IP6K1: variants seen among roughly 807,000 people sequenced by gnomAD.
The protein encoded by IP6K1 is ATP:1D-myo-inositol-hexakisphosphate phosphotransferase.
Under a neutral mutation model 38.3 loss-of-function variants are expected in IP6K1, and 13 were observed. The ratio of observed to expected loss-of-function variants is 0.34; its 90% confidence interval spans 0.22 to 0.54. The LOEUF (loss-of-function observed/expected upper bound fraction) is 0.54, where lower values mean the gene tolerates loss of function less well. Among genes scored for constraint, IP6K1 ranks in the 20% least tolerant of loss-of-function variants. IP6K1 has a pLI of 0.92. For synonymous variants in IP6K1, 212 were observed against 229.9 expected, an observed-to-expected ratio of 0.92 and a Z score of 0.70; for missense variants, 397 against 599.8, an observed-to-expected ratio of 0.66 and a Z score of 3.53.
rs1199287347 is a variant in IP6K1, at chr3:49,726,988, A to G, written c.*134T>C. On this transcript the variant is annotated 3_prime_UTR_variant, in exon 6 of 6. Transcript: ENST00000321599. ...ATATGGATTCCAGGCTACAGCTAAA[A>G]ACATTTCTTTTAGTTTACACCAAAG... 2.1e-6 allele frequency: 2 copies of G among 944,238 alleles called. No individual in the cohort carries two copies. Among genetic ancestry groups the G allele is most frequent in the Admixed American group, 4.9e-5 (2 of 40,654 alleles). 58.5% of individuals were successfully genotyped at this position (944,238 alleles called of 1,614,324 possible).
At chr3:49,749,971 G>A (rs986344682) in intron 1 of IP6K1, among the ~76,000 whole-genome samples, 7 of 151,780 alleles carry the variant, frequency 4.6e-5, no homozygotes, top group Admixed American at 2.6e-4. Context: ...CCTGAGTATA[G>A]TGCACACATC....
At position 49,728,129 on chromosome 3, in the gene IP6K1, G is replaced by A. The variant is rs2080526042; in HGVS notation, c.766C>T (p.Leu256=). ...TGCATGCCGCAGACCCTGACGCCCA[G>A]CGTGGCTGATGTGCTCTGCTCGCAT... ...RKCEQSTSAT[L]GVRVCGMQVY... The change falls in exon 5 of 6, where the codon CTG becomes TTG. Residue 256 remains leucine (L), a synonymous_variant. Transcript: ENST00000321599. 1 of 1,613,922 alleles carries A rather than the reference G, an allele frequency of 6.2e-7. No homozygotes were observed. Among genetic ancestry groups the A allele is most frequent in the African/African-American group, 1.3e-5 (1 of 74,936 alleles).
At chr3:49,773,412 C>T (rs1177792448) in intron 1 of IP6K1, among the ~76,000 whole-genome samples, 1 of 152,102 alleles carries the variant, frequency 6.6e-6, no homozygotes. Flanking sequence ...ATATCGAGAC[C>T]ATCCTGGCTA....
chr3:49,741,133 T>C (rs1036905437), intron 2 of IP6K1, among the ~76,000 whole-genome samples: 2 of 152,172 alleles, frequency 1.3e-5, no homozygotes, highest in Non-Finnish European at 2.9e-5. Flanking sequence ...CATGAGCCAC[T>C]GCACCTGGCC....
intron 2 of IP6K1, among the ~76,000 whole-genome samples, chr3:49,741,498 A>C (rs1219400253): frequency 7.1e-6 from 1 of 141,106 alleles, no homozygotes; most frequent in Non-Finnish European, 1.5e-5. Context: ...GCAGTTTTGA[A>C]ACTGGGTGAT....
intron 4 of IP6K1, among the ~76,000 whole-genome samples, chr3:49,730,255 T>C (rs1326807699): frequency 6.6e-6 from 1 of 152,202 alleles, no homozygotes; most frequent in Non-Finnish European, 1.5e-5. Context: ...CAGGCTGGTC[T>C]TGAACTCCTA....
At chr3:49,772,443 C>T (rs1445400133) in intron 1 of IP6K1, among the ~76,000 whole-genome samples, 1 of 151,660 alleles carries the variant, frequency 6.6e-6, no homozygotes, top group African/African-American at 2.4e-5. Flanking sequence ...TACTCTGTTA[C>T]CCAGGCTAAA....
At chr3:49,746,029 G>A (rs1202910298) in intron 2 of IP6K1, among the ~76,000 whole-genome samples, 6 of 152,122 alleles carry the variant, frequency 3.9e-5, no homozygotes, top group Non-Finnish European at 8.8e-5. Context: ...CATCCACTAG[G>A]ATGGCTACAA....
intron 4 of IP6K1, among the ~76,000 whole-genome samples, chr3:49,730,683 A>AC (rs2080554262): frequency 6.6e-6 from 1 of 151,724 alleles, no homozygotes; most frequent in African/African-American, 2.4e-5. Flanking sequence ...AGTAGCTGGA[A>AC]CTATAGGCGC....
At chr3:49,737,925 A>G (rs1344299117) in intron 3 of IP6K1, among the ~76,000 whole-genome samples, 1 of 152,226 alleles carries the variant, frequency 6.6e-6, no homozygotes, top group African/African-American at 2.4e-5. Flanking sequence ...GTGGGTGGCA[A>G]GACATAATGA....
chr3:49,781,926 A>T (rs1013393367), intron 1 of IP6K1, among the ~76,000 whole-genome samples: 2 of 151,952 alleles, frequency 1.3e-5, no homozygotes, highest in Non-Finnish European at 2.9e-5. Flanking sequence ...CATTAAAAAA[A>T]AAAATTAAAA....
chr3:49,769,224 A>G (rs1298254620), intron 1 of IP6K1, among the ~76,000 whole-genome samples: 1 of 152,216 alleles, frequency 6.6e-6, no homozygotes, highest in Admixed American at 6.5e-5. Context: ...TGGAATCTCA[A>G]CCATAATGGC....
intron 1 of IP6K1, among the ~76,000 whole-genome samples, chr3:49,752,165 C>T (rs2080782399): frequency 1.3e-5 from 2 of 151,988 alleles, no homozygotes; most frequent in Admixed American, 6.6e-5. Context: ...TCACCATGCC[C>T]GGCTAACTTA....
chr3:49,766,395 G>A (rs772483124), intron 1 of IP6K1, among the ~76,000 whole-genome samples: 123 of 151,406 alleles, frequency 8.1e-4, no homozygotes, highest in Non-Finnish European at 9.6e-4. Context: ...CAGGCGCTGT[G>A]GCTCACAACT....
chr3:49,745,342 T>C lies in IP6K1; in HGVS notation c.223+2476A>G, dbSNP rs1178305031. Among the ~76,000 whole-genome samples, 21 of 152,138 alleles carry C rather than the reference T, an allele frequency of 1.4e-4. 1 individual carries two copies. The highest frequency in any genetic ancestry group is 2.2e-4 in the Non-Finnish European group (15 of 68,030). ...CTGGAAAGAACATTCCAAGCATAAG[T>C]AAAATCCCTGAGGTTAATTAAAATA... On this transcript the variant is annotated intron_variant, in intron 2 of 5. Coordinates refer to ENST00000321599, the MANE Select transcript of IP6K1 (RefSeq NM_153273.4).
chr3:49,768,159 T>C (rs1308693568), intron 1 of IP6K1, among the ~76,000 whole-genome samples: 1 of 152,112 alleles, frequency 6.6e-6, no homozygotes, highest in East Asian at 1.9e-4. Context: ...AAACATAGAA[T>C]TACCATATGA....
chr3:49,727,237 G>C lies in IP6K1; in HGVS notation c.1211C>G (p.Thr404Arg). The change falls in exon 6 of 6, where the codon ACA (threonine) becomes AGA (arginine). Residue 404 changes from threonine (T) to arginine (R), a missense_variant. Transcript: ENST00000321599. The surrounding 1 kb of genome is among the most constrained non-coding windows in gnomAD (Gnocchi z 5.9). ...GGGGTCATCCCGGAAGCCCTTGAAT[G>C]TGCTGTGTGCAAAGTCAATCATGCG... Reference protein sequence around the residue: ...DVRMIDFAHSTFKGFRDDPTV... With the variant: ...DVRMIDFAHSRFKGFRDDPTV... 2 of 1,614,194 alleles carry C rather than the reference G, an allele frequency of 1.2e-6. No individual in the cohort carries two copies. Among genetic ancestry groups the C allele is most frequent in the Non-Finnish European group, 8.5e-7 (1 of 1,180,038 alleles).
At chr3:49,761,218 G>A (rs1317355400) in intron 1 of IP6K1, among the ~76,000 whole-genome samples, 1 of 152,038 alleles carries the variant, frequency 6.6e-6, no homozygotes, top group Admixed American at 6.5e-5. Flanking sequence ...GGGAGGCCGA[G>A]GCAGGAGAAT....
At chr3:49,729,165 C>T (rs1242503306) in intron 4 of IP6K1, among the ~76,000 whole-genome samples, 1 of 152,040 alleles carries the variant, frequency 6.6e-6, no homozygotes, top group Non-Finnish European at 1.5e-5. Context: ...ATACATTTAC[C>T]TTTCCTGGGT....
Sources: allele counts gnomAD v4.1 joint callset (sites outside exome capture counted in the v4.1 genomes callset), GRCh38; gene constraint gnomAD v4.1.1; non-coding constraint Gnocchi (gnomAD v3.1); transcripts MANE v1.5; gene names NCBI Gene and HGNC (gene_info 2026-07-23, HGNC 2026-07-21).